Variants in EXOC6 observed in about 807,000 individuals in gnomAD.
EXOC6 encodes SEC15-like 1.
In EXOC6, 60 loss-of-function variants were observed where a neutral mutation model predicts 112.5. The ratio of observed to expected loss-of-function variants is 0.53; its 90% CI spans 0.43 to 0.66. The LOEUF is 0.66. Among genes scored for constraint, EXOC6 ranks in the 30% least tolerant of loss-of-function variants. EXOC6 has a pLI of 0.00. For missense variants in EXOC6, 855 were observed against 957.1 expected (o/e 0.89, Z 1.41); for synonymous variants, 295 against 308.0 (o/e 0.96, Z 0.44).
intron 1 of EXOC6, among the ~76,000 whole-genome samples, chr10:92,868,412 A>G (rs2133709846): frequency 6.6e-6 from 1 of 152,068 alleles, no homozygotes. Flanking sequence ...GGTTCTGTTC[A>G]TTGTCTATAT....
chr10:92,909,457 A>G lies in EXOC6; in HGVS notation c.489A>G (p.Gln163=), dbSNP rs146017702. 1.9e-6 allele frequency: 3 copies of G among 1,613,290 alleles called. No homozygotes were observed. The highest frequency in any genetic ancestry group is 1.1e-5 in the South Asian group (1 of 90,974). Residue 163 remains glutamine, a synonymous_variant, in exon 6 of 22, where the codon CAA becomes CAG. Coordinates refer to ENST00000260762, the MANE Select transcript of EXOC6 (RefSeq NM_019053.6). ...RYYSALKTME[Q]LENVYFPWVS... Reference sequence around the variant, plus strand: ...ATTCTGCCCTAAAAACTATGGAACAATTAGAGAATGTGTACTTTCCCTGGG... The same window carrying G: ...ATTCTGCCCTAAAAACTATGGAACAGTTAGAGAATGTGTACTTTCCCTGGG...
At chr10:92,914,725 A>C (rs1257062858) in intron 6 of EXOC6, among the ~76,000 whole-genome samples, 1 of 152,182 alleles carries the variant, frequency 6.6e-6, no homozygotes, top group Non-Finnish European at 1.5e-5. Context: ...ATGGTCTGAT[A>C]ACCTAAGTGT....
At chr10:92,924,158 G>GT (rs1465145206) in intron 8 of EXOC6, among the ~76,000 whole-genome samples, 4 of 152,116 alleles carry the variant, frequency 2.6e-5, no homozygotes, top group African/African-American at 9.7e-5. Flanking sequence ...TTGACAACAA[G>GT]TAATTGCTTT....
intron 1 of EXOC6, among the ~76,000 whole-genome samples, chr10:92,829,230 C>T (rs1437030550): frequency 6.6e-6 from 1 of 152,154 alleles, no homozygotes; most frequent in African/African-American, 2.4e-5. Flanking sequence ...CCAGCTTCTT[C>T]ATGCACTATG....
At chr10:92,904,817 T>G (rs941736407) in intron 5 of EXOC6, among the ~76,000 whole-genome samples, 1 of 152,058 alleles carries the variant, frequency 6.6e-6, no homozygotes, top group African/African-American at 2.4e-5. Context: ...CAGTTTACCT[T>G]TTTTTCTTTC....
At chr10:92,893,611 A>G in intron 2 of EXOC6, 91 bp downstream of exon 2, 2 of 1,092,982 alleles carry the variant, frequency 1.8e-6, no homozygotes, top group Non-Finnish European at 2.6e-6. Context: ...ATTATTAAGT[A>G]TGTTACTTTC....
chr10:92,843,161 C>T (rs1846917491), intron 1 of EXOC6, among the ~76,000 whole-genome samples: 1 of 152,160 alleles, frequency 6.6e-6, no homozygotes, highest in Non-Finnish European at 1.5e-5. Flanking sequence ...TGTTCTCCAC[C>T]GTGGGGTCCA....
chr10:92,966,405 T>A (rs1477481504), intron 17 of EXOC6, among the ~76,000 whole-genome samples: 1 of 146,802 alleles, frequency 6.8e-6, no homozygotes, highest in African/African-American at 2.5e-5. Context: ...TCATTTAGCA[T>A]TAGGTATATC....
At chr10:92,907,686 A>G (rs1564819576) in intron 5 of EXOC6, among the ~76,000 whole-genome samples, 1 of 152,222 alleles carries the variant, frequency 6.6e-6, no homozygotes, top group South Asian at 2.1e-4. Context: ...TCAAATCAGG[A>G]AATTAGTCAA....
At chr10:92,966,445 A>G (rs1490510678) in intron 17 of EXOC6, among the ~76,000 whole-genome samples, 1 of 60,246 alleles carries the variant, frequency 1.7e-5, no homozygotes, top group Non-Finnish European at 2.9e-5. Context: ...CCCTCCCCCC[A>G]CCCCACATCA....
At chr10:93,055,790 G>A (rs1846511534) in intron 20 of EXOC6, among the ~76,000 whole-genome samples, 1 of 152,128 alleles carries the variant, frequency 6.6e-6, no homozygotes, top group South Asian at 2.1e-4. Flanking sequence ...AGAATTTTCT[G>A]CCTGTTGCAA....
At chr10:92,893,682 A>G (rs1849615687) in intron 2 of EXOC6, among the ~76,000 whole-genome samples, 162 bp downstream of exon 2, 2 of 152,192 alleles carry the variant, frequency 1.3e-5, no homozygotes, top group South Asian at 2.1e-4. Flanking sequence ...CACAGTTGTC[A>G]TGCTAATGAC....
At chr10:93,006,089 G>C (rs1843964878) in intron 19 of EXOC6, among the ~76,000 whole-genome samples, 1 of 152,132 alleles carries the variant, frequency 6.6e-6, no homozygotes, top group South Asian at 2.1e-4. Context: ...GAGCCTGGAA[G>C]GTCAAGGCTG....
chr10:92,902,987 C>T (rs1244384207), intron 5 of EXOC6, among the ~76,000 whole-genome samples: 4 of 152,040 alleles, frequency 2.6e-5, no homozygotes, highest in African/African-American at 9.7e-5. Context: ...ATGAATAAGA[C>T]TGCCATGAAA....
At chr10:92,894,017 A>G (rs1374424225) in intron 2 of EXOC6, among the ~76,000 whole-genome samples, 1 of 152,214 alleles carries the variant, frequency 6.6e-6, no homozygotes, top group African/African-American at 2.4e-5. Context: ...AAAGAGACCT[A>G]GATTTGTTCA....
At position 92,920,058 on chromosome 10, in the gene EXOC6, T is replaced by G. The variant is rs774584497; in HGVS notation, c.888+8T>G. ...CACATTTATTCTGTTTTGGTAAGTA[T>G]GTTTTATATTTATGTATATATAGCT... On this transcript the variant is annotated splice_region_variant and intron_variant, in intron 8 of 21. Transcript: ENST00000260762. 1.9e-6 allele frequency: 3 copies of G among 1,558,442 alleles called. No homozygotes were observed. In the African/African-American group the frequency reaches 4.1e-5, roughly 21 times the overall value.
At chr10:92,896,423 C>A (rs1371499908) in intron 4 of EXOC6, among the ~76,000 whole-genome samples, 4 of 149,812 alleles carry the variant, frequency 2.7e-5, no homozygotes, top group South Asian at 4.2e-4. Flanking sequence ...TTTCAAACTT[C>A]TGGCCTCAAA....
Position 92,849,189 on chromosome 10 carries a change from C to CGAGAAGAGAGCGTGGGCTG in EXOC6, c.101+578_101+596dup, listed in dbSNP as rs557999303. Among the ~76,000 whole-genome samples, 43 of 152,178 alleles carry CGAGAAGAGAGCGTGGGCTG rather than the reference C, an allele frequency of 2.8e-4. No individual in the cohort carries two copies. The South Asian group carries it at 4.4e-3, about 15-fold the overall frequency. ...TACTCCCCCGCGCGGCCGCAGTGGG[C>CGAGAAGAGAGCGTGGGCTG]GAGAAGAGAGCGTGGGCTGGAGAAG... is the stretch of plus-strand genomic sequence containing the variant. On this transcript the variant is annotated intron_variant, in intron 1 of 21. Coordinates refer to ENST00000260762, the MANE Select transcript of EXOC6 (RefSeq NM_019053.6).
At chr10:92,937,404 TTAGATC>T (rs1477617074) in intron 12 of EXOC6, among the ~76,000 whole-genome samples, 2 of 152,204 alleles carry the variant, frequency 1.3e-5, no homozygotes, top group Non-Finnish European at 1.5e-5. Context: ...AGAACATCTT[TTAGATC>T]TAGAACTTTA....
Sources: allele counts gnomAD v4.1 joint callset (sites outside exome capture counted in the v4.1 genomes callset), GRCh38; gene constraint gnomAD v4.1.1; transcripts MANE v1.5; gene names NCBI Gene and HGNC (gene_info 2026-07-23, HGNC 2026-07-21).